MYOCD: variants seen among roughly 807,000 people sequenced by gnomAD.
MYOCD encodes the protein myocardin.
Under a neutral mutation model 96.1 loss-of-function variants are expected in MYOCD, and 32 were observed. The observed-to-expected ratio is 0.33, with a 90% confidence interval of 0.25 to 0.45. MYOCD has a LOEUF of 0.45. Ranked by LOEUF, MYOCD falls within the 20% of genes least tolerant of loss-of-function variation. The pLI, the probability that MYOCD is intolerant of heterozygous loss-of-function variation, is 1.00. For missense variants in MYOCD, 1,133 were observed against 1,200.6 expected, an observed-to-expected ratio of 0.94 and a Z score of 0.83; for synonymous variants, 469 against 469.0, an observed-to-expected ratio of 1.00 and a Z score of 0.00.
chr17:12,681,078 A>T (rs1910435312), intron 1 of MYOCD, among the ~76,000 whole-genome samples: 6 of 152,212 alleles, frequency 3.9e-5, no homozygotes, highest in Admixed American at 3.3e-4. Flanking sequence ...TCAAAATCCC[A>T]TGCCTTGTAA....
chr17:12,669,993 TG>T (rs34586907), intron 1 of MYOCD, among the ~76,000 whole-genome samples: 4 of 151,906 alleles, frequency 2.6e-5, no homozygotes, highest in Non-Finnish European at 5.9e-5. Flanking sequence ...CCAGATGGGG[TG>T]GGGGTACCAT....
chr17:12,730,833 T>A (rs2322592), intron 5 of MYOCD, among the ~76,000 whole-genome samples: 2 of 152,092 alleles, frequency 1.3e-5, no homozygotes, highest in Non-Finnish European at 2.9e-5. Flanking sequence ...CGCATTTTCA[T>A]ATTCTACTTC....
At chr17:12,741,747 C>T (rs2032519347) in intron 7 of MYOCD, among the ~76,000 whole-genome samples, 1 of 151,622 alleles carries the variant, frequency 6.6e-6, no homozygotes, top group South Asian at 2.1e-4. Context: ...AAGCCTTCAA[C>T]CTCACTGTAG....
At chr17:12,757,600 G>A (rs1170642269) in intron 11 of MYOCD, among the ~76,000 whole-genome samples, 2 of 152,064 alleles carry the variant, frequency 1.3e-5, no homozygotes, top group South Asian at 2.1e-4. Flanking sequence ...AGGTTCAAGC[G>A]ATTCTTCCGC....
intron 1 of MYOCD, among the ~76,000 whole-genome samples, chr17:12,688,550 TCTTCCTTC>T (rs142177842): frequency 6.8e-4 from 68 of 99,332 alleles, no homozygotes; most frequent in African/African-American, 2.0e-3. Context: ...CCTTCCATCT[TCTTCCTTC>T]CTTCCTTCCT....
In MYOCD at chr17:12,763,633, C is replaced by T. The variant is rs928434263; in HGVS notation, c.2950C>T (p.Gln984Ter). ...GAATTCTTCCATGGACCTTCACTTG[C>T]AGCAGTGGTAGAATGCCCAATGCAC... ...NLNSSMDLHL[Q>*]QW The change falls in exon 14 of 14, where the codon CAG (glutamine) becomes TAG (stop). Residue 984 changes from glutamine (Q) to a stop codon, truncating the protein, a stop_gained. Coordinates refer to ENST00000425538, the MANE Select transcript of MYOCD (RefSeq NM_001146312.3). LOFTEE classifies it high-confidence loss of function. 87 of 1,609,246 alleles carry T rather than the reference C, an allele frequency of 5.4e-5. No homozygotes were observed. Among genetic ancestry groups the T allele is most frequent in the Non-Finnish European group, 6.8e-5 (80 of 1,177,526 alleles).
chr17:12,667,312 G>T (rs1020597405), intron 1 of MYOCD, among the ~76,000 whole-genome samples: 1 of 152,176 alleles, frequency 6.6e-6, no homozygotes, highest in Non-Finnish European at 1.5e-5. Context: ...GATGCCTGTG[G>T]AGTCAACTGG....
chr17:12,714,423 C>T (rs142703092), intron 2 of MYOCD, among the ~76,000 whole-genome samples: 1 of 151,158 alleles, frequency 6.6e-6, no homozygotes, highest in Non-Finnish European at 1.5e-5. Flanking sequence ...TATTTCATCA[C>T]CTGCAGCTTA....
intron 1 of MYOCD, among the ~76,000 whole-genome samples, chr17:12,699,184 G>T (rs2030936161): frequency 6.6e-6 from 1 of 151,992 alleles, no homozygotes; most frequent in Non-Finnish European, 1.5e-5. Context: ...GAGTGCAGTG[G>T]CCCAGTCTTG....
chr17:12,733,152 T>G (rs2032228056), intron 5 of MYOCD, among the ~76,000 whole-genome samples: 3 of 151,680 alleles, frequency 2.0e-5, no homozygotes, highest in African/African-American at 7.3e-5. Context: ...CTACTAAAAA[T>G]ACAAAAAATT....
At chr17:12,754,918 G>C (rs1050382313) in intron 10 of MYOCD, among the ~76,000 whole-genome samples, 2 of 152,210 alleles carry the variant, frequency 1.3e-5, no homozygotes, top group Non-Finnish European at 2.9e-5. Context: ...GAGGCTCAGA[G>C]AGCTTAAATT....
chr17:12,691,697 A>G (rs968491319), intron 1 of MYOCD, among the ~76,000 whole-genome samples: 5 of 152,226 alleles, frequency 3.3e-5, no homozygotes, highest in African/African-American at 1.2e-4. Context: ...AACACAAGGT[A>G]TAATATGACT....
chr17:12,690,360 A>T (rs754406591), intron 1 of MYOCD, among the ~76,000 whole-genome samples: 1 of 152,206 alleles, frequency 6.6e-6, no homozygotes, highest in Non-Finnish European at 1.5e-5. Context: ...TCCATTGTTA[A>T]TAAGGTCGTA....
chr17:12,758,381 C>G, intron 12 of MYOCD, 168 bp downstream of exon 12: 1 of 1,044,932 alleles, frequency 9.6e-7, no homozygotes, highest in Non-Finnish European at 1.4e-6. Context: ...AACAGTGTTG[C>G]ATGTGTAGCT....
intron 1 of MYOCD, among the ~76,000 whole-genome samples, chr17:12,674,977 C>A (rs771816456): frequency 3.3e-5 from 5 of 151,824 alleles, no homozygotes; most frequent in Non-Finnish European, 5.9e-5. Flanking sequence ...ATTAAAAAAT[C>A]ATCAAAATAA....
chr17:12,727,214 G>T (rs1349062629), intron 5 of MYOCD, among the ~76,000 whole-genome samples: 1 of 152,208 alleles, frequency 6.6e-6, no homozygotes, highest in Admixed American at 6.5e-5. Context: ...AAGATACAGG[G>T]TGACTTAATC....
At chr17:12,702,029 G>A (rs1297668530) in intron 1 of MYOCD, among the ~76,000 whole-genome samples, 1 of 152,062 alleles carries the variant, frequency 6.6e-6, no homozygotes, top group African/African-American at 2.4e-5. Context: ...GTTGTTAGGT[G>A]TAGTGCTAAA....
chr17:12,679,901 G>A (rs370573392), intron 1 of MYOCD, among the ~76,000 whole-genome samples: 1 of 152,122 alleles, frequency 6.6e-6, no homozygotes, highest in Non-Finnish European at 1.5e-5. Context: ...AAGAAAAAAG[G>A]CAAAGTATTA....
intron 1 of MYOCD, among the ~76,000 whole-genome samples, chr17:12,701,765 A>G (rs2150670231): frequency 6.6e-6 from 1 of 152,226 alleles, no homozygotes; most frequent in African/African-American, 2.4e-5. Flanking sequence ...AATATGTTGT[A>G]TATTTTTTAT....
Sources: allele counts gnomAD v4.1 joint callset (sites outside exome capture counted in the v4.1 genomes callset), GRCh38; gene constraint gnomAD v4.1.1; transcripts MANE v1.5; gene names NCBI Gene and HGNC (gene_info 2026-07-23, HGNC 2026-07-21).